Variants in FRMD4B observed in about 807,000 individuals in gnomAD.
FRMD4B encodes the protein FERM domain-containing protein 4B.
A neutral mutation model predicts 141.5 loss-of-function variants in FRMD4B; 74 were observed. That is an observed-to-expected ratio of 0.52 (90% CI 0.43 to 0.63). The LOEUF (loss-of-function observed/expected upper bound fraction) is 0.63, where lower values mean the gene tolerates loss of function less well. Ranked by LOEUF, FRMD4B falls within the 30% of genes least tolerant of loss-of-function variation. FRMD4B has a pLI of 0.00. For missense variants in FRMD4B, 1,366 were observed against 1,253.4 expected, an observed-to-expected ratio of 1.09 and a Z score of -1.36; for synonymous variants, 506 against 467.9, an observed-to-expected ratio of 1.08 and a Z score of -1.05.
intron 10 of FRMD4B, 21 bp from the exon 11 acceptor site, chr3:69,216,370 A>C (rs1026685412): frequency 1.6e-6 from 2 of 1,245,684 alleles, no homozygotes; most frequent in Admixed American, 1.9e-5. Context: ...AAAAAGCATG[A>C]GAACCAAGAC....
At chr3:69,341,199 C>T (rs1440841538) in intron 1 of FRMD4B, among the ~76,000 whole-genome samples, 1 of 152,176 alleles carries the variant, frequency 6.6e-6, no homozygotes, top group Non-Finnish European at 1.5e-5. Context: ...GGGCTGTTTG[C>T]ATCTCAAGGT....
intron 2 of FRMD4B, among the ~76,000 whole-genome samples, chr3:69,412,449 CAG>C (rs2106784576): frequency 1.3e-5 from 2 of 152,174 alleles, no homozygotes; most frequent in South Asian, 2.1e-4. Context: ...TTAGTGAGAG[CAG>C]AGGGGACCGA....
At chr3:69,487,261 G>A (rs112237012) in intron 1 of FRMD4B, among the ~76,000 whole-genome samples, 166 of 152,286 alleles carry the variant, frequency 1.1e-3, no homozygotes, top group African/African-American at 3.7e-3. Flanking sequence ...TAAGGCTTCT[G>A]AATAAAACTA....
At chr3:69,189,863 C>T (rs748590804) in intron 18 of FRMD4B, 33 bp downstream of exon 18, 2 of 1,345,558 alleles carry the variant, frequency 1.5e-6, no homozygotes, top group Admixed American at 1.7e-5. Context: ...GAATATCTAA[C>T]ATTTTTAAAC....
intron 7 of FRMD4B, among the ~76,000 whole-genome samples, chr3:69,239,930 G>A (rs1201546971): frequency 1.3e-5 from 2 of 152,042 alleles, no homozygotes; most frequent in East Asian, 3.9e-4. Context: ...GTGCGTGCCT[G>A]TAATCCCAGC....
chr3:69,281,496 T>C (rs1196589479), intron 5 of FRMD4B, among the ~76,000 whole-genome samples: 1 of 152,156 alleles, frequency 6.6e-6, no homozygotes, highest in African/African-American at 2.4e-5. Context: ...TCAACCACAA[T>C]TTACTGAATG....
chr3:69,250,265 G>T, intron 5 of FRMD4B, 166 bp from the exon 6 acceptor site: 1 of 653,420 alleles, frequency 1.5e-6, no homozygotes, highest in Non-Finnish European at 2.8e-6. Context: ...ACTCATTGAG[G>T]GTTAAGGCGA....
chr3:69,392,409 G>A (rs1704399826), intron 2 of FRMD4B, among the ~76,000 whole-genome samples: 1 of 152,170 alleles, frequency 6.6e-6, no homozygotes, highest in African/African-American at 2.4e-5. Context: ...GGGGGTACAT[G>A]ATAGCAATCC....
chr3:69,411,541 T>C (rs1464440998), intron 2 of FRMD4B, among the ~76,000 whole-genome samples: 4 of 152,288 alleles, frequency 2.6e-5, no homozygotes, highest in Middle Eastern at 6.8e-3. Context: ...TTCAGCAGGG[T>C]AAATCTCTTT....
intron 21 of FRMD4B, among the ~76,000 whole-genome samples, chr3:69,179,016 A>G (rs2092678204): frequency 6.6e-6 from 1 of 151,774 alleles, no homozygotes; most frequent in African/African-American, 2.4e-5. Flanking sequence ...ATAACTGGAA[A>G]TTTATCACTC....
At chr3:69,188,775 A>AAAAAAAAAAAAAAAAC (rs1553696831) in intron 18 of FRMD4B, among the ~76,000 whole-genome samples, 1 of 148,108 alleles carries the variant, frequency 6.8e-6, no homozygotes, top group African/African-American at 2.5e-5. Context: ...AAAAAAAAAA[A>AAAAAAAAAAAAAAAAC]AAAAAAAAAC....
intron 11 of FRMD4B, among the ~76,000 whole-genome samples, chr3:69,208,265 T>A (rs1002871789): frequency 2.6e-4 from 39 of 152,218 alleles, no homozygotes; most frequent in Non-Finnish European, 4.3e-4. Context: ...GGTTTCACCA[T>A]GTTGGCCAGG....
At chr3:69,525,657 T>C (rs921857456) in intron 1 of FRMD4B, among the ~76,000 whole-genome samples, 2 of 152,142 alleles carry the variant, frequency 1.3e-5, no homozygotes, top group South Asian at 2.1e-4. Flanking sequence ...ATCTTTTTTT[T>C]TCTTTTCCTT....
intron 1 of FRMD4B, among the ~76,000 whole-genome samples, chr3:69,452,850 ATAAAAG>A: frequency 6.6e-6 from 1 of 152,390 alleles, no homozygotes; most frequent in East Asian, 1.9e-4. Flanking sequence ...AGCCACATTA[ATAAAAG>A]TAAGAAAGAA....
intron 1 of FRMD4B, among the ~76,000 whole-genome samples, chr3:69,539,377 T>C (rs979246900): frequency 1.3e-5 from 2 of 152,232 alleles, no homozygotes; most frequent in African/African-American, 2.4e-5. Context: ...TTCAGCTGAT[T>C]TGACACTTGG....
At chr3:69,378,327 T>C (rs570395710) in intron 1 of FRMD4B, among the ~76,000 whole-genome samples, 1 of 152,312 alleles carries the variant, frequency 6.6e-6, no homozygotes, top group Non-Finnish European at 1.5e-5. Context: ...AGAAGTGACA[T>C]GAGCCACTTA....
chr3:69,181,334 T>G lies in FRMD4B; in HGVS notation c.2416A>C (p.Ile806Leu), dbSNP rs776593990. 5.6e-6 allele frequency: 9 copies of G among 1,613,950 alleles called. No individual in the cohort carries two copies. Among genetic ancestry groups the G allele is most frequent in the Non-Finnish European group, 7.6e-6 (9 of 1,179,858 alleles). ...SQEPPSSSYY[I>L]AGYTPYAECD... ...TCTGCATAGGGTGTGTACCCGGCAA[T>G]GTAGTAACTGGAAGACGGTGGCTCC... The change falls in exon 21 of 23, where the codon ATT (isoleucine) becomes CTT (leucine). Residue 806 changes from isoleucine (I) to leucine (L), a missense_variant. Physicochemically the swap from Ile to Leu is conservative, Grantham distance 5. Coordinates refer to ENST00000398540, the MANE Select transcript of FRMD4B (RefSeq NM_015123.3).
intron 11 of FRMD4B, among the ~76,000 whole-genome samples, chr3:69,202,373 G>GTA (rs1181010942): frequency 1.3e-5 from 2 of 150,856 alleles, no homozygotes; most frequent in East Asian, 2.0e-4. Context: ...GTGTGTGTGT[G>GTA]TATATATAAA....
rs115755670 is a variant in FRMD4B at position 69,430,402 on chromosome 3, T to C, written c.-1+2232A>G. 6.2e-3 allele frequency among the ~76,000 whole-genome samples: 940 copies of C among 152,316 alleles called. 6 individuals are homozygous for C. The highest frequency in any genetic ancestry group is 0.015 in the African/African-American group (625 of 41,574). On this transcript the variant is annotated intron_variant, in intron 2 of 5. Coordinates refer to the FRMD4B transcript ENST00000459638. ...GAGAGGCTGTTAATAGTTTCAATAT[T>C]GCTCCTGCCTACCTGGGTCTAACTT...
Sources: allele counts gnomAD v4.1 joint callset (sites outside exome capture counted in the v4.1 genomes callset), GRCh38; gene constraint gnomAD v4.1.1; transcripts MANE v1.5; gene names NCBI Gene and HGNC (gene_info 2026-07-23, HGNC 2026-07-21).